The following ABI2 variants were observed in gnomAD, a reference collection of about 807,000 sequenced individuals.
The protein encoded by ABI2 is abelson interactor 2.
ABI2 carries 25 observed loss-of-function variants against 59.2 expected under a neutral mutation model. The observed-to-expected ratio is 0.42, with a 90% CI of 0.31 to 0.59. The LOEUF is 0.59. Among genes scored for constraint, ABI2 ranks in the 20% least tolerant of loss-of-function variants. ABI2 has a pLI of 0.14. For synonymous variants in ABI2, 213 were observed against 235.5 expected (o/e 0.90, Z 0.87); for missense variants, 545 against 681.8 (o/e 0.80, Z 2.23).
chr2:203,362,661 G>A (rs2093679639), intron 1 of ABI2, among the ~76,000 whole-genome samples: 2 of 151,994 alleles, frequency 1.3e-5, no homozygotes, highest in South Asian at 4.2e-4. Context: ...CAAGTAGCTG[G>A]GATGACAGGT....
Position 203,417,010 on chromosome 2 carries a change from C to T in ABI2, c.1382C>T (p.Ala461Val). 1 of 1,614,142 alleles carries T rather than the reference C, an allele frequency of 6.2e-7. No homozygotes were observed. The highest frequency in any genetic ancestry group is 8.5e-7 in the Non-Finnish European group (1 of 1,180,020). Reference sequence around the variant, plus strand: ...GAAGATTACGAAGAGGAGGAAGCTGCTGTGGTTGAGTATAGTGATCCTTAT... The same window carrying T: ...GAAGATTACGAAGAGGAGGAAGCTGTTGTGGTTGAGTATAGTGATCCTTAT... Reference protein sequence around the residue: ...PPEDYEEEEAAVVEYSDPYAE... With the variant: ...PPEDYEEEEAVVVEYSDPYAE... The change falls in exon 11 of 12, where the codon GCT becomes GTT. Residue 461 changes from alanine to valine, a missense_variant. Physicochemically the swap from Ala to Val is moderately conservative, Grantham distance 64 (BLOSUM62 0). Transcript: ENST00000261018.
At chr2:203,393,780 A>G (rs2096865596) in intron 5 of ABI2, among the ~76,000 whole-genome samples, 1 of 152,212 alleles carries the variant, frequency 6.6e-6, no homozygotes, top group Admixed American at 6.5e-5. Flanking sequence ...TCTTTTAGTG[A>G]CCAAGATCTC....
Position 203,395,750 on chromosome 2 carries a change from C to T in ABI2, c.820C>T (p.Pro274Ser), listed in dbSNP as rs776506090. The T allele has an allele frequency of 1.2e-6, 2 of 1,606,350 alleles. No homozygotes were observed. Among genetic ancestry groups the T allele is most frequent in the South Asian group, 1.1e-5 (1 of 89,624 alleles). ...SGSVGVPIAV[P>S]TPSPPSVFPA... ...TAGTGTGGGGGTTCCTATTGCTGTT[C>T]CTACTCCATCTCCTCCCAGTGTCTT... Residue 274 changes from proline to serine, a missense_variant, in exon 7 of 12, where the codon CCT becomes TCT. Coordinates refer to ENST00000261018, the MANE Select transcript of ABI2 (RefSeq NM_001375670.1).
intron 4 of ABI2, chr2:203,383,120 C>A (rs937633549): frequency 6.5e-6 from 1 of 154,396 alleles, no homozygotes; most frequent in Non-Finnish European, 1.5e-5. Context: ...AATATATATT[C>A]CTCCCATCTA....
intron 4 of ABI2, among the ~76,000 whole-genome samples, chr2:203,384,179 G>A (rs2153226661): frequency 6.6e-6 from 1 of 152,060 alleles, no homozygotes; most frequent in South Asian, 2.1e-4. Context: ...GGACGTACAA[G>A]GTCAGTGGAT....
At chr2:203,332,824 G>A (rs1187601771) in intron 1 of ABI2, among the ~76,000 whole-genome samples, 1 of 152,122 alleles carries the variant, frequency 6.6e-6, no homozygotes, top group Non-Finnish European at 1.5e-5. Flanking sequence ...TTGTTGATAT[G>A]TACGTTTTTC....
intron 1 of ABI2, among the ~76,000 whole-genome samples, chr2:203,345,701 G>T (rs1389446460): frequency 6.6e-6 from 1 of 151,436 alleles, no homozygotes; most frequent in Non-Finnish European, 1.5e-5. Context: ...GAGCCACCAC[G>T]CCCAGCCCTA....
intron 1 of ABI2, among the ~76,000 whole-genome samples, chr2:203,359,414 A>G (rs1436143793): frequency 2.0e-5 from 3 of 152,184 alleles, no homozygotes; most frequent in African/African-American, 7.2e-5. Context: ...TGTAGAATGT[A>G]CAAAGATCCC....
At chr2:203,395,540 G>A in intron 6 of ABI2, 116 bp from the exon 7 acceptor site, 1 of 1,130,434 alleles carries the variant, frequency 8.8e-7, no homozygotes, top group Non-Finnish European at 1.2e-6. Context: ...TTTTGAAGTG[G>A]TACGCTTTTG....
intron 1 of ABI2, among the ~76,000 whole-genome samples, chr2:203,338,331 C>G (rs1195728181): frequency 6.6e-6 from 1 of 151,720 alleles, no homozygotes; most frequent in African/African-American, 2.4e-5. Context: ...GATGTTTGTT[C>G]CCTTCAAATC....
intron 1 of ABI2, among the ~76,000 whole-genome samples, chr2:203,329,694 T>C (rs979811136): frequency 3.3e-5 from 5 of 151,944 alleles, no homozygotes; most frequent in South Asian, 2.1e-4. Context: ...CTTTTTTTTT[T>C]TCCTTTTTTC....
At chr2:203,389,534 T>G (rs2096659222) in intron 4 of ABI2, among the ~76,000 whole-genome samples, 1 of 152,212 alleles carries the variant, frequency 6.6e-6, no homozygotes, top group Admixed American at 6.5e-5. Flanking sequence ...ATGATTTGCT[T>G]TCTTAAAATT....
At chr2:203,385,185 C>T (rs2096440882) in intron 4 of ABI2, among the ~76,000 whole-genome samples, 2 of 122,620 alleles carry the variant, frequency 1.6e-5, no homozygotes, top group African/African-American at 5.8e-5. Context: ...GGCTGGAGTG[C>T]AGTGGTGCCA....
At chr2:203,378,316 T>C (rs1474144728) in intron 2 of ABI2, among the ~76,000 whole-genome samples, 2 of 152,170 alleles carry the variant, frequency 1.3e-5, no homozygotes, top group Non-Finnish European at 2.9e-5. Flanking sequence ...TTTCACCGTG[T>C]TAGCCAGGAT....
At chr2:203,363,545 C>T (rs934219735) in intron 1 of ABI2, among the ~76,000 whole-genome samples, 1 of 151,950 alleles carries the variant, frequency 6.6e-6, no homozygotes, top group South Asian at 2.1e-4. Flanking sequence ...CTACCCTTCC[C>T]ATCCTCTGGT....
At chr2:203,385,464 G>A (rs2153233311) in intron 4 of ABI2, among the ~76,000 whole-genome samples, 1 of 152,180 alleles carries the variant, frequency 6.6e-6, no homozygotes, top group African/African-American at 2.4e-5. Flanking sequence ...GGGCTTAAGA[G>A]TTTTACAGCC....
At position 203,396,837 on chromosome 2, in the gene ABI2, C is replaced by T. The variant is rs900656398; in HGVS notation, c.903C>T (p.Ala301=). The change falls in exon 8 of 12, where the codon GCC becomes GCT. Residue 301 remains alanine (A), a synonymous_variant. Transcript: ENST00000261018. The part of the protein sequence containing the change: ...TPPLPATSAS[A]PAPLVPATVP... ...CCCTTCCTGCTACTTCTGCATCTGCCCCTGCTCCTCTTGTTCCTGCTACTG... is the reference window on the plus strand; with the variant it reads ...CCCTTCCTGCTACTTCTGCATCTGCTCCTGCTCCTCTTGTTCCTGCTACTG... The T allele has an allele frequency of 1.1e-5, 17 of 1,535,144 alleles. No individual in the cohort carries two copies. In the African/African-American group the frequency reaches 1.9e-4, roughly 17 times the overall value.
intron 11 of ABI2, among the ~76,000 whole-genome samples, chr2:203,426,596 A>G (rs1451408733): frequency 6.6e-6 from 1 of 152,182 alleles, no homozygotes; most frequent in African/African-American, 2.4e-5. Context: ...AAATATATGT[A>G]GCGGACTCCC....
At chr2:203,342,383 G>A (rs2080483586) in intron 1 of ABI2, among the ~76,000 whole-genome samples, 1 of 152,066 alleles carries the variant, frequency 6.6e-6, no homozygotes, top group Non-Finnish European at 1.5e-5. Flanking sequence ...ACCCACTTAT[G>A]TGTTGAAGGC....
Sources: allele counts gnomAD v4.1 joint callset (sites outside exome capture counted in the v4.1 genomes callset), GRCh38; gene constraint gnomAD v4.1.1; transcripts MANE v1.5; gene names NCBI Gene and HGNC (gene_info 2026-07-23, HGNC 2026-07-21).